PLEKHM2: variants seen among roughly 807,000 people sequenced by gnomAD.
The protein encoded by PLEKHM2 is pleckstrin homology and RUN domain containing M2.
In PLEKHM2, 77 loss-of-function variants were observed where a neutral mutation model predicts 116.3. That is an observed-to-expected ratio of 0.66 (90% CI 0.55 to 0.80). PLEKHM2 has a LOEUF of 0.80. Among genes scored for constraint, PLEKHM2 ranks in the 30% least tolerant of loss-of-function variants. The pLI, the probability that PLEKHM2 is intolerant of heterozygous loss-of-function variation, is 0.00. For synonymous variants in PLEKHM2, 562 were observed against 571.0 expected (o/e 0.98, Z 0.22); for missense variants, 1,183 against 1,354.9 (o/e 0.87, Z 1.99).
At chr1:15,693,601 C>T (rs887438441) in intron 1 of PLEKHM2, among the ~76,000 whole-genome samples, 3 of 152,204 alleles carry the variant, frequency 2.0e-5, no homozygotes, top group African/African-American at 4.8e-5. Context: ...GCTGTTCAGA[C>T]GGGGCTGACT....
upstream of PLEKHM2, chr1:15,681,654 T>G (rs577974586): frequency 4.8e-5 from 22 of 454,474 alleles, no homozygotes; most frequent in Middle Eastern, 3.4e-4. Flanking sequence ...CTAGCCAGGA[T>G]GGAGTGGGAA....
At chr1:15,707,475 C>T (rs991229495) in intron 1 of PLEKHM2, among the ~76,000 whole-genome samples, 3 of 152,166 alleles carry the variant, frequency 2.0e-5, no homozygotes, top group Non-Finnish European at 2.9e-5. Context: ...ACAGGTGACA[C>T]GTGAGCCGAT....
chr1:15,705,245 C>A (rs1159215391), intron 1 of PLEKHM2, among the ~76,000 whole-genome samples: 6 of 124,874 alleles, frequency 4.8e-5, no homozygotes, highest in Non-Finnish European at 6.3e-5. Flanking sequence ...GTGGTGCAAT[C>A]TTGGCTCACT....
At chr1:15,702,036 G>A (rs1641125737) in intron 1 of PLEKHM2, among the ~76,000 whole-genome samples, 1 of 152,200 alleles carries the variant, frequency 6.6e-6, no homozygotes, top group South Asian at 2.1e-4. Flanking sequence ...CACTGATACG[G>A]ACGGGTCGCC....
intron 1 of PLEKHM2, among the ~76,000 whole-genome samples, chr1:15,710,119 C>T (rs1390640143): frequency 2.0e-5 from 3 of 149,430 alleles, no homozygotes; most frequent in Admixed American, 6.7e-5. Flanking sequence ...CCCAGCTACT[C>T]GGGAGGCTGA....
chr1:15,687,111 T>C (rs1375989022), intron 1 of PLEKHM2, among the ~76,000 whole-genome samples: 2 of 143,924 alleles, frequency 1.4e-5, no homozygotes, highest in Non-Finnish European at 3.1e-5. Context: ...TTTGTAGAGA[T>C]GGGATTTCGC....
At chr1:15,715,027 C>T (rs1641416425) in intron 1 of PLEKHM2, among the ~76,000 whole-genome samples, 4 of 152,226 alleles carry the variant, frequency 2.6e-5, no homozygotes, top group Admixed American at 1.3e-4. Context: ...TTCATCTCAC[C>T]TACTGTCCAA....
At chr1:15,692,870 G>C (rs929071156) in intron 1 of PLEKHM2, among the ~76,000 whole-genome samples, 4 of 151,820 alleles carry the variant, frequency 2.6e-5, no homozygotes, top group African/African-American at 9.7e-5. Flanking sequence ...CTCCCAAGTA[G>C]CTGGGATTAT....
At chr1:15,713,014 T>C (rs1178571349) in intron 1 of PLEKHM2, among the ~76,000 whole-genome samples, 1 of 152,214 alleles carries the variant, frequency 6.6e-6, no homozygotes, top group African/African-American at 2.4e-5. Flanking sequence ...TTAGCCAGGC[T>C]GGTCTGAAAC....
At chr1:15,689,064 C>T (rs975562559) in intron 1 of PLEKHM2, among the ~76,000 whole-genome samples, 2 of 151,992 alleles carry the variant, frequency 1.3e-5, no homozygotes, top group African/African-American at 4.8e-5. Flanking sequence ...GCCTGACCAA[C>T]ATCGAGAAAC....
chr1:15,701,528 G>A (rs1453922209), intron 1 of PLEKHM2, among the ~76,000 whole-genome samples: 1 of 151,926 alleles, frequency 6.6e-6, no homozygotes, highest in East Asian at 1.9e-4. Flanking sequence ...GGTGGCTCAC[G>A]CCTGTAATCC....
intron 1 of PLEKHM2, among the ~76,000 whole-genome samples, chr1:15,690,672 T>C (rs1369285805): frequency 6.6e-6 from 1 of 152,212 alleles, no homozygotes; most frequent in African/African-American, 2.4e-5. Flanking sequence ...ACCAAATCTC[T>C]ATTGTAGCTG....
rs529855226 is a variant in PLEKHM2, at chr1:15,727,905, A to C, written c.1760+73A>C. 4 of 1,302,526 alleles carry C rather than the reference A, an allele frequency of 3.1e-6. No homozygotes were observed. Among genetic ancestry groups the C allele is most frequent in the African/African-American group, 2.9e-5 (2 of 68,052 alleles). The allele number at this position is 1,302,526 out of a possible 1,614,324, so 80.7% of individuals were successfully genotyped here. The stretch of plus-strand genomic sequence containing the variant: ...TGGGGACACTGTGCCTCTGACCTCC[A>C]GATAAATTAAGCACTAGGAAGACCT... On this transcript the variant is annotated intron_variant, in intron 9 of 19. Transcript: ENST00000375799. This position sits in a 1 kb window ranked among gnomAD's most constrained non-coding sequence, Gnocchi z 7.5.
intron 17 of PLEKHM2, 25 bp downstream of exon 17, chr1:15,732,073 T>C: frequency 6.2e-7 from 1 of 1,601,872 alleles, no homozygotes; most frequent in Non-Finnish European, 8.5e-7. Context: ...CCCCTACCGC[T>C]CACCTGGCTT....
chr1:15,705,585 G>A (rs1012446784), intron 1 of PLEKHM2, among the ~76,000 whole-genome samples: 5 of 152,118 alleles, frequency 3.3e-5, no homozygotes, highest in Admixed American at 2.0e-4. Flanking sequence ...CCTCAGAACT[G>A]TTGCTGGCTC....
intron 19 of PLEKHM2, among the ~76,000 whole-genome samples, chr1:15,733,414 A>G (rs2068175364): frequency 6.6e-6 from 1 of 152,242 alleles, no homozygotes; most frequent in Non-Finnish European, 1.5e-5. Flanking sequence ...GAGCGTGCTC[A>G]TGAGAGCCCT....
chr1:15,732,971 A>G (rs1453284700), intron 19 of PLEKHM2, among the ~76,000 whole-genome samples: 4 of 152,188 alleles, frequency 2.6e-5, no homozygotes, highest in Non-Finnish European at 5.9e-5. Context: ...CCAGGCTGGG[A>G]GCCCGAGGCC....
intron 7 of PLEKHM2, among the ~76,000 whole-genome samples, chr1:15,723,744 CAAAA>C (rs1056474462): frequency 2.5e-4 from 19 of 76,402 alleles, no homozygotes; most frequent in East Asian, 1.1e-3. Context: ...GACCCTGTCT[CAAAA>C]AAAAAAAAAA....
chr1:15,713,279 T>C (rs1641372863), intron 1 of PLEKHM2, among the ~76,000 whole-genome samples: 1 of 152,128 alleles, frequency 6.6e-6, no homozygotes, highest in Admixed American at 6.6e-5. Flanking sequence ...TTTCTTTCTT[T>C]CTTTTTTTTC....
Sources: gnomAD v4.1 joint callset for allele counts (sites outside exome capture counted in the v4.1 genomes callset) on GRCh38, gnomAD v4.1.1 for gene constraint, Gnocchi (gnomAD v3.1) non-coding constraint, MANE v1.5 for transcripts, NCBI Gene and HGNC (gene_info 2026-07-23, HGNC 2026-07-21) for gene names.